The following SLC9A9 variants were observed in gnomAD, a reference collection of about 807,000 sequenced individuals.
SLC9A9 encodes sodium/hydrogen exchanger 9.
A neutral mutation model predicts 77.8 loss-of-function variants in SLC9A9; 62 were observed. The ratio of observed to expected loss-of-function variants is 0.80; its 90% CI spans 0.65 to 0.98. SLC9A9 has a LOEUF of 0.98. Ranked by LOEUF, SLC9A9 falls within the 50% of genes least tolerant of loss-of-function variation. The probability of loss-of-function intolerance (pLI) is 0.00; values close to 1 mark genes in which losing one functional copy is unlikely to be tolerated. For missense variants in SLC9A9, 775 were observed against 774.9 expected (o/e 1.00, Z 0.00); for synonymous variants, 320 against 283.5 (o/e 1.13, Z -1.29).
intron 13 of SLC9A9, among the ~76,000 whole-genome samples, chr3:143,367,048 C>T (rs4839592): frequency 5.3e-5 from 8 of 152,148 alleles, no homozygotes; most frequent in South Asian, 2.1e-4. Flanking sequence ...TGGTTTCAAG[C>T]GTTTCCCAAG....
intron 9 of SLC9A9, among the ~76,000 whole-genome samples, chr3:143,513,204 G>C (rs2036145125): frequency 6.6e-6 from 1 of 152,188 alleles, no homozygotes; most frequent in African/African-American, 2.4e-5. Flanking sequence ...TTCCAAATTA[G>C]AGTCAATCCT....
intron 14 of SLC9A9, among the ~76,000 whole-genome samples, chr3:143,285,474 G>C (rs992711890): frequency 6.6e-6 from 1 of 150,392 alleles, no homozygotes; most frequent in Non-Finnish European, 1.5e-5. Flanking sequence ...TAAGTATGAA[G>C]TGGTGAAGCC....
intron 9 of SLC9A9, chr3:143,518,200 C>T (rs1490834426): frequency 3.1e-6 from 5 of 1,598,596 alleles, no homozygotes; most frequent in African/African-American, 1.3e-5. Flanking sequence ...TCACAAAGGC[C>T]CGAAGCTTGT....
chr3:143,836,269 T>C (rs1319492410), intron 1 of SLC9A9, among the ~76,000 whole-genome samples: 1 of 152,238 alleles, frequency 6.6e-6, no homozygotes, highest in African/African-American at 2.4e-5. Context: ...TATTCAGTGC[T>C]TCTTTACAGA....
intron 14 of SLC9A9, chr3:143,343,590 T>C (rs533862769): frequency 6.6e-6 from 1 of 152,286 alleles, no homozygotes; most frequent in African/African-American, 2.4e-5. Flanking sequence ...AATGGTCTAG[T>C]GGAAGCTGAA....
chr3:143,365,894 T>C (rs1464944506), intron 13 of SLC9A9, among the ~76,000 whole-genome samples: 2 of 152,210 alleles, frequency 1.3e-5, no homozygotes, highest in East Asian at 3.8e-4. Flanking sequence ...AAACTAGTTA[T>C]GAAAAGCTTG....
intron 12 of SLC9A9, among the ~76,000 whole-genome samples, chr3:143,427,464 C>A (rs550444729): frequency 6.6e-6 from 1 of 152,340 alleles, no homozygotes; most frequent in Admixed American, 6.5e-5. Context: ...CAATAATTAG[C>A]AAGTAATCTA....
chr3:143,691,295 C>T (rs562034287), intron 5 of SLC9A9, among the ~76,000 whole-genome samples: 44 of 152,034 alleles, frequency 2.9e-4, no homozygotes, highest in African/African-American at 9.9e-4. Flanking sequence ...GTCTTGACCT[C>T]CCTGGCTTAA....
chr3:143,828,886 G>T (rs1017164226), intron 2 of SLC9A9, among the ~76,000 whole-genome samples: 5 of 152,114 alleles, frequency 3.3e-5, no homozygotes, highest in African/African-American at 1.2e-4. Flanking sequence ...CTCGAAGTAG[G>T]ACTAAAATCC....
At chr3:143,394,004 C>T (rs572490421) in intron 12 of SLC9A9, among the ~76,000 whole-genome samples, 7 of 152,094 alleles carry the variant, frequency 4.6e-5, no homozygotes, top group Non-Finnish European at 7.4e-5. Flanking sequence ...GGATTCACAG[C>T]CGAATTCTAC....
intron 12 of SLC9A9, among the ~76,000 whole-genome samples, chr3:143,461,314 G>C (rs746601756): frequency 6.6e-6 from 1 of 152,092 alleles, no homozygotes; most frequent in African/African-American, 2.4e-5. Context: ...TAATTACTAT[G>C]GAAAATGGTC....
At chr3:143,271,101 T>C (rs931373220) in intron 14 of SLC9A9, among the ~76,000 whole-genome samples, 4 of 142,046 alleles carry the variant, frequency 2.8e-5, no homozygotes, top group African/African-American at 1.1e-4. Context: ...TTAGTAGCCA[T>C]TGTGGTTATC....
intron 6 of SLC9A9, among the ~76,000 whole-genome samples, chr3:143,592,300 G>A (rs1335815360): frequency 6.6e-6 from 1 of 152,224 alleles, no homozygotes; most frequent in Non-Finnish European, 1.5e-5. Flanking sequence ...GTGGAAGTGG[G>A]AGGATCACTT....
At chr3:143,321,899 G>A (rs2031434980) in intron 14 of SLC9A9, among the ~76,000 whole-genome samples, 1 of 152,176 alleles carries the variant, frequency 6.6e-6, no homozygotes, top group African/African-American at 2.4e-5. Flanking sequence ...TCCCAGGTAA[G>A]TGAATATCCA....
chr3:143,354,492 G>C (rs567201866), intron 14 of SLC9A9, among the ~76,000 whole-genome samples: 7 of 152,278 alleles, frequency 4.6e-5, no homozygotes, highest in African/African-American at 1.7e-4. Context: ...TGCAGTCTGC[G>C]AGCTAGACCC....
chr3:143,374,406 C>G (rs1036350652), intron 13 of SLC9A9, among the ~76,000 whole-genome samples: 7 of 109,656 alleles, frequency 6.4e-5, no homozygotes, highest in Non-Finnish European at 5.0e-5. Context: ...GCCTGGGAGA[C>G]AGCGAGACTC....
chr3:143,487,101 C>T (rs1475134056), intron 11 of SLC9A9, among the ~76,000 whole-genome samples: 1 of 151,816 alleles, frequency 6.6e-6, no homozygotes, highest in Non-Finnish European at 1.5e-5. Context: ...CATGAAAATA[C>T]TGACCAAAAA....
At chr3:143,425,053 A>G (rs1173582861) in intron 12 of SLC9A9, among the ~76,000 whole-genome samples, 1 of 152,148 alleles carries the variant, frequency 6.6e-6, no homozygotes, top group Non-Finnish European at 1.5e-5. Flanking sequence ...CCCTCAGGGC[A>G]TTTGCCAGGG....
chr3:143,518,128 C>T (rs1223072354), intron 9 of SLC9A9: 46 of 1,600,024 alleles, frequency 2.9e-5, no homozygotes, highest in Non-Finnish European at 3.6e-5. Flanking sequence ...TGCTCTCCAC[C>T]CACTCCCTCA....
Sources: allele counts gnomAD v4.1 joint callset (sites outside exome capture counted in the v4.1 genomes callset), GRCh38; gene constraint gnomAD v4.1.1; transcripts MANE v1.5; gene names NCBI Gene and HGNC (gene_info 2026-07-23, HGNC 2026-07-21).